The following KCNIP4 variants were observed in gnomAD, a reference collection of about 807,000 sequenced individuals.
KCNIP4 encodes potassium voltage-gated channel interacting protein 4, also known as Kv channel-interacting protein 4.
A neutral mutation model predicts 34.0 loss-of-function variants in KCNIP4; 12 were observed. The observed-to-expected ratio is 0.35, with a 90% CI of 0.23 to 0.57. The LOEUF (loss-of-function observed/expected upper bound fraction) is 0.57, where lower values mean the gene tolerates loss of function less well. Ranked by LOEUF, KCNIP4 falls within the 20% of genes least tolerant of loss-of-function variation. The pLI, the probability that KCNIP4 is intolerant of heterozygous loss-of-function variation, is 0.83. For missense variants in KCNIP4, 238 were observed against 311.7 expected, an observed-to-expected ratio of 0.76 and a Z score of 1.78; for synonymous variants, 124 against 102.2, an observed-to-expected ratio of 1.21 and a Z score of -1.29.
chr4:20,846,827 C>A (rs1720441247), intron 3 of KCNIP4, among the ~76,000 whole-genome samples: 1 of 152,134 alleles, frequency 6.6e-6, no homozygotes, highest in Admixed American at 6.6e-5. Context: ...GGTTCTCAAT[C>A]TTGCCTACAC....
intron 3 of KCNIP4, among the ~76,000 whole-genome samples, chr4:20,764,868 G>A (rs892749586): frequency 1.3e-5 from 2 of 152,116 alleles, no homozygotes; most frequent in African/African-American, 2.4e-5. Flanking sequence ...GCACTCAGCC[G>A]GACCACATCA....
At chr4:21,379,780 A>G (rs903365263) in intron 1 of KCNIP4, among the ~76,000 whole-genome samples, 16 of 152,168 alleles carry the variant, frequency 1.1e-4, no homozygotes, top group African/African-American at 3.9e-4. Context: ...AGAAAGATTC[A>G]TGCTTGGCCT....
At position 21,346,227 on chromosome 4, in the gene KCNIP4, CTA is replaced by C. The variant is rs1203128362; in HGVS notation, c.62-463520_62-463519del. Reference sequence around the variant, plus strand: ...TATATAATATATATTATATATAATTCTATATATATAATATATATTATATATAT... The same window carrying C: ...TATATAATATATATTATATATAATTCTATATATAATATATATTATATATAT... On this transcript the variant is annotated intron_variant, in intron 1 of 8. Transcript: ENST00000382152. Among the ~76,000 whole-genome samples, 183 of 81,522 alleles carry C rather than the reference CTA, an allele frequency of 2.2e-3. 4 individuals are homozygous for C. Among genetic ancestry groups the C allele is most frequent in the East Asian group, 8.8e-3 (18 of 2,040 alleles). 53.5% of individuals were successfully genotyped at this position (81,522 alleles called of 152,430 possible).
At chr4:21,224,027 G>T (rs558225248) in intron 1 of KCNIP4, among the ~76,000 whole-genome samples, 1 of 152,058 alleles carries the variant, frequency 6.6e-6, no homozygotes, top group Non-Finnish European at 1.5e-5. Context: ...GGAAGAAAAA[G>T]GTGATTGCTT....
chr4:21,556,690 G>T (rs1217440534), intron 1 of KCNIP4, among the ~76,000 whole-genome samples: 1 of 151,976 alleles, frequency 6.6e-6, no homozygotes, highest in African/African-American at 2.4e-5. Context: ...GGAAGCTGAG[G>T]CAGGCAGATC....
rs1491524335 is a variant in KCNIP4, at chr4:21,715,075, T to TTTTATTTTATTTTA, written c.61+233482_61+233495dup. 6.2e-4 allele frequency among the ~76,000 whole-genome samples: 46 copies of TTTTATTTTATTTTA among 74,760 alleles called. 12 individuals carry two copies. The highest frequency in any genetic ancestry group is 6.6e-4 in the Admixed American group (4 of 6,042). 49.0% of individuals were successfully genotyped at this position (74,760 alleles called of 152,430 possible). A position where few individuals can be genotyped will look rare whatever the true frequency, so the allele number is the denominator to read the frequency against. ...TTTTATTTTATTTTATTTTATTTTA[T>TTTTATTTTATTTTA]TTTATTTTATTTTATTTATTTTTGA... On this transcript the variant is annotated intron_variant, in intron 1 of 8. Transcript: ENST00000382152.
intron 1 of KCNIP4, among the ~76,000 whole-genome samples, chr4:20,907,715 A>T (rs1023040003): frequency 1.8e-4 from 28 of 151,934 alleles, no homozygotes; most frequent in Admixed American, 1.7e-3. Flanking sequence ...AGAAATGTAA[A>T]TTTTTTTATT....
chr4:21,263,202 C>T (rs571725748), intron 1 of KCNIP4, among the ~76,000 whole-genome samples: 2 of 152,188 alleles, frequency 1.3e-5, no homozygotes, highest in African/African-American at 2.4e-5. Context: ...TGAGAATACA[C>T]TATATGCCAG....
chr4:21,321,828 A>AGAAGGGAAGGAAG (rs1560288392), intron 1 of KCNIP4, among the ~76,000 whole-genome samples: 8 of 140,618 alleles, frequency 5.7e-5, no homozygotes, highest in East Asian at 4.6e-4. Flanking sequence ...GAGAAAAAGA[A>AGAAGGGAAGGAAG]GAAGGGAAGG....
At chr4:21,467,254 A>G (rs184803765) in intron 1 of KCNIP4, among the ~76,000 whole-genome samples, 1 of 152,292 alleles carries the variant, frequency 6.6e-6, no homozygotes, top group African/African-American at 2.4e-5. Context: ...CATTGAAGGC[A>G]TTTTGGTTTG....
intron 1 of KCNIP4, among the ~76,000 whole-genome samples, chr4:21,894,382 A>G (rs1165364559): frequency 6.6e-6 from 1 of 152,004 alleles, no homozygotes; most frequent in African/African-American, 2.4e-5. Context: ...GCTACTTTTT[A>G]ATGCAATCTC....
At chr4:21,537,573 T>C (rs1737297251) in intron 1 of KCNIP4, among the ~76,000 whole-genome samples, 1 of 152,172 alleles carries the variant, frequency 6.6e-6, no homozygotes, top group Non-Finnish European at 1.5e-5. Context: ...TAGTGTTCCT[T>C]AAAATTTCGT....
chr4:20,854,598 A>G (rs565544312), intron 2 of KCNIP4, among the ~76,000 whole-genome samples: 151 of 152,338 alleles, frequency 9.9e-4, no homozygotes, highest in African/African-American at 3.1e-3. Flanking sequence ...GAACTTACTC[A>G]TGTAACCAAA....
At chr4:21,891,119 C>T (rs1386434319) in intron 1 of KCNIP4, among the ~76,000 whole-genome samples, 1 of 152,044 alleles carries the variant, frequency 6.6e-6, no homozygotes, top group Non-Finnish European at 1.5e-5. Flanking sequence ...GAATGAATCC[C>T]TGGGTTGAAC....
intron 1 of KCNIP4, among the ~76,000 whole-genome samples, chr4:21,139,718 G>C (rs1337217727): frequency 7.6e-6 from 1 of 131,702 alleles, no homozygotes; most frequent in Non-Finnish European, 1.6e-5. Context: ...AACTTCTTCT[G>C]CTCGGGCTTA....
intron 1 of KCNIP4, among the ~76,000 whole-genome samples, chr4:21,898,379 T>C (rs1560796604): frequency 6.6e-6 from 1 of 152,066 alleles, no homozygotes; most frequent in Admixed American, 6.6e-5. Context: ...CAGCAGAGAC[T>C]CCTTCCTTTT....
chr4:21,637,667 C>G (rs1746302561), intron 1 of KCNIP4, among the ~76,000 whole-genome samples: 1 of 151,480 alleles, frequency 6.6e-6, no homozygotes, highest in Non-Finnish European at 1.5e-5. Context: ...CCTGTAATCC[C>G]AGCTACTCTG....
chr4:21,440,707 T>C (rs1727395049), intron 1 of KCNIP4, among the ~76,000 whole-genome samples: 1 of 152,246 alleles, frequency 6.6e-6, no homozygotes, highest in African/African-American at 2.4e-5. Context: ...GATGGGATCA[T>C]ACATCTCTAT....
chr4:21,413,792 C>A (rs1724713119), intron 1 of KCNIP4, among the ~76,000 whole-genome samples: 1 of 152,166 alleles, frequency 6.6e-6, no homozygotes, highest in South Asian at 2.1e-4. Flanking sequence ...TATTCAACAG[C>A]TGAGGAAAGT....
Sources: allele counts gnomAD v4.1 joint callset (sites outside exome capture counted in the v4.1 genomes callset), GRCh38; gene constraint gnomAD v4.1.1; transcripts MANE v1.5; gene names NCBI Gene and HGNC (gene_info 2026-07-23, HGNC 2026-07-21).